Variants in MORC3 observed in about 807,000 individuals in gnomAD.
MORC3 encodes MORC family CW-type zinc finger 3.
A neutral mutation model predicts 109.1 loss-of-function variants in MORC3; 31 were observed. That is an observed-to-expected ratio of 0.28 (90% confidence interval 0.21 to 0.38). The LOEUF is 0.38. Ranked by LOEUF, MORC3 falls within the 10% of genes least tolerant of loss-of-function variation. The probability of loss-of-function intolerance (pLI) is 1.00; values close to 1 mark genes in which losing one functional copy is unlikely to be tolerated. For missense variants in MORC3, 867 were observed against 1,135.8 expected, an observed-to-expected ratio of 0.76 and a Z score of 3.40; for synonymous variants, 395 against 380.7, an observed-to-expected ratio of 1.04 and a Z score of -0.44.
rs529706810 is a variant in MORC3 at position 36,372,947 on chromosome 21, G to C, written c.2666+416G>C. On this transcript the variant is annotated intron_variant, in intron 16 of 16. Coordinates refer to ENST00000400485, the MANE Select transcript of MORC3 (RefSeq NM_015358.3). ...TGGTACCATGTCTTTATGGCTTGCT[G>C]TCCTTATTTCACTGTATGCTCACTC... Among the ~76,000 whole-genome samples, 5 of 152,232 alleles carry C rather than the reference G, an allele frequency of 3.3e-5. No individual in the cohort carries two copies. The South Asian group carries it at 8.3e-4, about 25-fold the overall frequency.
rs1032496372 is a variant in MORC3 at position 36,376,482 on chromosome 21, T to C, written c.*1186T>C. 6.6e-6 allele frequency: 1 copy of C among 152,228 alleles called. No individual in the cohort carries two copies. Among genetic ancestry groups the C allele is most frequent in the Non-Finnish European group, 1.5e-5 (1 of 68,030 alleles). The allele number at this position is 152,228 out of a possible 1,614,324, so 9.4% of individuals were successfully genotyped here. A position where few individuals can be genotyped will look rare whatever the true frequency, so the allele number is the denominator to read the frequency against. Reference sequence around the variant, plus strand: ...TATTGAATTTTTACTGTATAGTAATTCTGGAAAGAGCAAATAAATGAAGAT... The same window carrying C: ...TATTGAATTTTTACTGTATAGTAATCCTGGAAAGAGCAAATAAATGAAGAT... On this transcript the variant is annotated 3_prime_UTR_variant, in exon 17 of 17. Coordinates refer to ENST00000400485, the MANE Select transcript of MORC3 (RefSeq NM_015358.3).
At chr21:36,372,349 T>C (rs751128565) in intron 15 of MORC3, 25 bp from the exon 16 acceptor site, 6 of 1,529,716 alleles carry the variant, frequency 3.9e-6, no homozygotes, top group East Asian at 4.7e-5. Flanking sequence ...TTTACAGTTA[T>C]AAAGCTCATT....
chr21:36,321,170 CGTA>C (rs1485421791), intron 1 of MORC3, among the ~76,000 whole-genome samples: 4 of 152,174 alleles, frequency 2.6e-5, no homozygotes, highest in Non-Finnish European at 4.4e-5. Context: ...GGTACAAACA[CGTA>C]GTGAATAATT....
rs543191321 is a variant in MORC3, at chr21:36,324,432, G to A, written c.39+4129G>A. Among the ~76,000 whole-genome samples, 9 of 151,002 alleles carry A rather than the reference G, an allele frequency of 6.0e-5. No homozygotes were observed. The South Asian group carries it at 1.9e-3, about 32-fold the overall frequency. ...AGCTGGGACTACAAGCACCTGCCAC[G>A]TTGCCTGGTTAATTTTTTGTATTTT... On this transcript the variant is annotated intron_variant, in intron 1 of 16. Coordinates refer to ENST00000400485, the MANE Select transcript of MORC3 (RefSeq NM_015358.3).
chr21:36,351,057 CTTTTTT>C (rs748042243), intron 9 of MORC3, among the ~76,000 whole-genome samples: 1,882 of 71,266 alleles, frequency 0.026, 14 homozygotes, highest in Admixed American at 0.056. Flanking sequence ...GGTTGTCCTC[CTTTTTT>C]TTTTTTTTTT....
At chr21:36,352,866 A>T (rs965445320) in intron 9 of MORC3, among the ~76,000 whole-genome samples, 2 of 151,864 alleles carry the variant, frequency 1.3e-5, no homozygotes, top group African/African-American at 4.8e-5. Context: ...GCTACTCAGG[A>T]TGCTCGAGGC....
chr21:36,350,774 T>A (rs2085561851), intron 9 of MORC3, among the ~76,000 whole-genome samples: 1 of 152,158 alleles, frequency 6.6e-6, no homozygotes, highest in Non-Finnish European at 1.5e-5. Flanking sequence ...GAATCACTTT[T>A]TAGAAAACTT....
In MORC3 at chr21:36,341,413, C is replaced by G; in HGVS notation, c.623C>G (p.Thr208Arg). 1 of 1,597,882 alleles carries G rather than the reference C, an allele frequency of 6.3e-7. No homozygotes were observed. Among genetic ancestry groups the G allele is most frequent in the Non-Finnish European group, 8.5e-7 (1 of 1,176,280 alleles). ...IWNLRSYKNA[T>R]EFDFEKDKYD... is the part of the protein sequence containing the mutation. ...TATTTTTACAGCTACAAAAATGCAA[C>G]AGAGTTCGATTTTGAAAAGGATAAA... Residue 208 changes from threonine (T) to arginine (R), a missense_variant, in exon 6 of 17, where the codon ACA becomes AGA. Thr to Arg is a moderately conservative substitution (Grantham distance 71). Coordinates refer to ENST00000400485, the MANE Select transcript of MORC3 (RefSeq NM_015358.3).
intron 6 of MORC3, 75 bp from the exon 7 acceptor site, chr21:36,344,504 C>T: frequency 1.4e-6 from 2 of 1,475,976 alleles, no homozygotes; most frequent in Middle Eastern, 1.8e-4. Flanking sequence ...AATAGGAGAG[C>T]TTCTGTGTAA....
intron 5 of MORC3, 152 bp downstream of exon 5, chr21:36,339,073 G>A: frequency 1.2e-6 from 1 of 860,988 alleles, no homozygotes; most frequent in East Asian, 2.8e-5. Flanking sequence ...CCCAGGATAT[G>A]TTATAGAGGC....
chr21:36,345,764 C>T (rs1281961773), intron 8 of MORC3, among the ~76,000 whole-genome samples: 1 of 152,006 alleles, frequency 6.6e-6, no homozygotes, highest in Non-Finnish European at 1.5e-5. Context: ...ACCGTGTTGT[C>T]CAGGCTTGTC....
At chr21:36,374,634 T>G (rs2085908714) in intron 16 of MORC3, among the ~76,000 whole-genome samples, 1 of 152,020 alleles carries the variant, frequency 6.6e-6, no homozygotes, top group African/African-American at 2.4e-5. Flanking sequence ...CTACAAATAA[T>G]AATAATAAAA....
chr21:36,374,390 G>T (rs566952918), intron 16 of MORC3, among the ~76,000 whole-genome samples: 1 of 151,870 alleles, frequency 6.6e-6, no homozygotes, highest in South Asian at 2.1e-4. Flanking sequence ...TGTGCCCGGC[G>T]TAAAAAAAAA....
intron 1 of MORC3, among the ~76,000 whole-genome samples, chr21:36,330,874 G>A (rs1197163995): frequency 6.6e-6 from 1 of 152,196 alleles, no homozygotes; most frequent in Non-Finnish European, 1.5e-5. Context: ...ATTAAGAACT[G>A]TTTGTGATGT....
In MORC3 at chr21:36,376,592, T is replaced by C. The variant is rs1460462305; in HGVS notation, c.*1296T>C. On this transcript the variant is annotated 3_prime_UTR_variant, in exon 17 of 17. Transcript: ENST00000400485. ...TGTCACAATTGTAATTTCCCAAATT[T>C]TAAAATATCTTATAATAAAATAAAA... 6.6e-6 allele frequency: 1 copy of C among 152,162 alleles called. No individual in the cohort carries two copies. Among genetic ancestry groups the C allele is most frequent in the African/African-American group, 2.4e-5 (1 of 41,446 alleles). The allele number at this position is 152,162 out of a possible 1,614,324, so 9.4% of individuals were successfully genotyped here.
chr21:36,342,881 C>T (rs1347269415), intron 6 of MORC3, among the ~76,000 whole-genome samples: 4 of 151,422 alleles, frequency 2.6e-5, no homozygotes, highest in South Asian at 2.1e-4. Flanking sequence ...TAGCTGGGCA[C>T]GGTTGCGGGA....
At chr21:36,357,126 G>A (rs1028851225) in intron 10 of MORC3, among the ~76,000 whole-genome samples, 1 of 152,114 alleles carries the variant, frequency 6.6e-6, no homozygotes, top group African/African-American at 2.4e-5. Context: ...CCATTTTCTT[G>A]TGTATAAAAT....
chr21:36,370,631 A>G (rs1398749135), intron 15 of MORC3, among the ~76,000 whole-genome samples: 1 of 23,820 alleles, frequency 4.2e-5, no homozygotes, highest in Non-Finnish European at 8.9e-5. Context: ...ATATATATAT[A>G]TATATATATT....
At position 36,366,959 on chromosome 21, in the gene MORC3, G is replaced by A. The variant is rs778517737; in HGVS notation, c.1620-2029G>A. On this transcript the variant is annotated intron_variant, in intron 14 of 16. Transcript: ENST00000400485. The stretch of plus-strand genomic sequence containing the variant: ...CTGAAACCTAAGCTGCTGGAGGATG[G>A]TAGAAACCAGTTTACGCCACAGGTC... 7.9e-5 allele frequency among the ~76,000 whole-genome samples: 12 copies of A among 152,178 alleles called. 1 individual carries two copies. The highest frequency in any genetic ancestry group is 1.5e-4 in the Non-Finnish European group (10 of 68,032).
Sources: allele counts gnomAD v4.1 joint callset (sites outside exome capture counted in the v4.1 genomes callset), GRCh38; gene constraint gnomAD v4.1.1; transcripts MANE v1.5; gene names NCBI Gene and HGNC (gene_info 2026-07-23, HGNC 2026-07-21).